HRH1: variants seen among roughly 807,000 people sequenced by gnomAD.
HRH1 encodes the protein histamine receptor H1, also known as histamine H1 receptor.
A neutral mutation model predicts 10.3 loss-of-function variants in HRH1; 6 were observed. That is an observed-to-expected ratio of 0.58 (90% CI 0.32 to 1.15). The LOEUF (loss-of-function observed/expected upper bound fraction) is 1.15. Ranked by LOEUF, HRH1 falls within the 50% of genes most tolerant of loss-of-function variation. The pLI, the probability that HRH1 is intolerant of heterozygous loss-of-function variation, is 0.05. For missense variants in HRH1, 514 were observed against 615.3 expected (o/e 0.84, Z 1.74); for synonymous variants, 242 against 236.7 (o/e 1.02, Z -0.21).
intron 1 of HRH1, among the ~76,000 whole-genome samples, chr3:11,224,193 A>C (rs952221793): frequency 2.0e-5 from 3 of 152,210 alleles, no homozygotes; most frequent in Non-Finnish European, 4.4e-5. Context: ...TGTGAGGCTG[A>C]ATAAGACGTG....
intron 1 of HRH1, among the ~76,000 whole-genome samples, chr3:11,199,505 C>T (rs1299272477): frequency 6.6e-6 from 1 of 152,170 alleles, no homozygotes; most frequent in African/African-American, 2.4e-5. Flanking sequence ...TTCCTGCACA[C>T]ATCCTTCCTG....
At chr3:11,166,417 G>A (rs2125010566) in intron 1 of HRH1, among the ~76,000 whole-genome samples, 1 of 152,220 alleles carries the variant, frequency 6.6e-6, no homozygotes, top group East Asian at 1.9e-4. Context: ...TCCGGTGTAT[G>A]AGGTGCTCCT....
At chr3:11,225,472 G>T (rs1223547587) in intron 1 of HRH1, among the ~76,000 whole-genome samples, 1 of 152,162 alleles carries the variant, frequency 6.6e-6, no homozygotes, top group African/African-American at 2.4e-5. Context: ...AGCCCCGAGG[G>T]ATGATCAGGG....
At chr3:11,162,176 G>A (rs1936939486) in intron 1 of HRH1, among the ~76,000 whole-genome samples, 1 of 152,126 alleles carries the variant, frequency 6.6e-6, no homozygotes, top group Admixed American at 6.5e-5. Context: ...AAGGGACTGA[G>A]TTATACTTAC....
At chr3:11,194,428 G>A (rs1222205597) in intron 1 of HRH1, among the ~76,000 whole-genome samples, 1 of 152,148 alleles carries the variant, frequency 6.6e-6, no homozygotes, top group East Asian at 1.9e-4. Context: ...CCCCGTCTCA[G>A]ACTCTGCGCC....
chr3:11,208,904 A>G (rs1050765848), intron 1 of HRH1, among the ~76,000 whole-genome samples: 5 of 152,230 alleles, frequency 3.3e-5, no homozygotes, highest in African/African-American at 9.6e-5. Context: ...GAGCCAAAGA[A>G]TATGTACATT....
chr3:11,159,222 T>G (rs1411348003), intron 1 of HRH1, among the ~76,000 whole-genome samples: 1 of 152,206 alleles, frequency 6.6e-6, no homozygotes, highest in Non-Finnish European at 1.5e-5. Context: ...CACTCCAGCC[T>G]GGGTGACAGA....
intron 1 of HRH1, among the ~76,000 whole-genome samples, chr3:11,173,078 C>T (rs944867017): frequency 6.6e-6 from 1 of 152,154 alleles, no homozygotes; most frequent in Non-Finnish European, 1.5e-5. Context: ...AAGAGGTTCC[C>T]TGGCTGAATA....
chr3:11,201,010 T>C (rs1434399786), intron 1 of HRH1, among the ~76,000 whole-genome samples: 1 of 152,218 alleles, frequency 6.6e-6, no homozygotes, highest in East Asian at 1.9e-4. Context: ...ATAGATCCCT[T>C]TGAGGGCCTC....
At chr3:11,226,495 T>C (rs1407626757) in intron 1 of HRH1, 1 of 152,236 alleles carries the variant, frequency 6.6e-6, no homozygotes, top group Non-Finnish European at 1.5e-5. Flanking sequence ...AGAAGTTCTT[T>C]GTGATGGTTT....
At chr3:11,157,097 C>T (rs763835701) in intron 1 of HRH1, among the ~76,000 whole-genome samples, 66 of 152,270 alleles carry the variant, frequency 4.3e-4, no homozygotes, top group Non-Finnish European at 7.8e-4. Context: ...TTTGTTCTGA[C>T]GAGCATGGAT....
At chr3:11,222,073 C>T (rs1938727570) in intron 1 of HRH1, among the ~76,000 whole-genome samples, 1 of 152,182 alleles carries the variant, frequency 6.6e-6, no homozygotes, top group Non-Finnish European at 1.5e-5. Context: ...ATCAGTTTCT[C>T]TTTAAAAGTG....
At chr3:11,226,017 G>A (rs1938869772) in intron 1 of HRH1, 1 of 152,564 alleles carries the variant, frequency 6.6e-6, no homozygotes, top group Middle Eastern at 3.4e-3. Flanking sequence ...AGGGTAAGAG[G>A]ATGAGAACAG....
At chr3:11,234,935 G>T (rs1939136347) in intron 1 of HRH1, among the ~76,000 whole-genome samples, 1 of 152,160 alleles carries the variant, frequency 6.6e-6, no homozygotes, top group Middle Eastern at 3.4e-3. Flanking sequence ...AAATGTTTTG[G>T]CCGGGTACGG....
upstream of HRH1, among the ~76,000 whole-genome samples, chr3:11,152,111 A>G (rs1430611946): frequency 2.0e-5 from 3 of 152,044 alleles, no homozygotes; most frequent in Non-Finnish European, 4.4e-5. Flanking sequence ...CTAGCTGTAT[A>G]CTCTGAACAA....
At chr3:11,234,855 A>G (rs1939134619) in intron 1 of HRH1, among the ~76,000 whole-genome samples, 1 of 152,010 alleles carries the variant, frequency 6.6e-6, no homozygotes, top group African/African-American at 2.4e-5. Context: ...CTTTGCTGAG[A>G]CTTATTTTTT....
At position 11,259,783 on chromosome 3, in the gene HRH1, A is replaced by G; in HGVS notation, c.746A>G (p.Lys249Arg). 3 of 1,614,062 alleles carry G rather than the reference A, an allele frequency of 1.9e-6. No individual in the cohort carries two copies. Among genetic ancestry groups the G allele is most frequent in the Non-Finnish European group, 2.5e-6 (3 of 1,180,006 alleles). ...LRPENPKGDA[K>R]KPGKESPWEV... ...CCAGAGAACCCCAAGGGGGATGCCA[A>G]GAAACCAGGGAAGGAGTCTCCCTGG... The change falls in exon 2 of 2, where the codon AAG becomes AGG. Residue 249 changes from lysine to arginine, a missense_variant. Physicochemically the swap from Lys to Arg is conservative, Grantham distance 26. Transcript: ENST00000431010. This position sits in a 1 kb window ranked among gnomAD's most constrained non-coding sequence, Gnocchi z 4.6.
At chr3:11,244,561 A>C (rs547262043) in intron 1 of HRH1, among the ~76,000 whole-genome samples, 1 of 152,254 alleles carries the variant, frequency 6.6e-6, no homozygotes, top group African/African-American at 2.4e-5. Flanking sequence ...TGAGCACCTC[A>C]TGTATGCCAG....
chr3:11,156,257 G>A (rs1350169586), intron 1 of HRH1, among the ~76,000 whole-genome samples: 1 of 152,204 alleles, frequency 6.6e-6, no homozygotes, highest in Non-Finnish European at 1.5e-5. Flanking sequence ...AGAGAATCCC[G>A]TGGAGGCAGG....
Sources: gnomAD v4.1 joint callset for allele counts (sites outside exome capture counted in the v4.1 genomes callset) on GRCh38, gnomAD v4.1.1 for gene constraint, Gnocchi (gnomAD v3.1) non-coding constraint, MANE v1.5 for transcripts, NCBI Gene and HGNC (gene_info 2026-07-23, HGNC 2026-07-21) for gene names.